The following RERE variants were observed in gnomAD, a reference collection of about 807,000 sequenced individuals.
The protein encoded by RERE is arginine-glutamic acid dipeptide repeats protein.
Under a neutral mutation model 146.1 loss-of-function variants are expected in RERE, and 40 were observed. That is an observed-to-expected ratio of 0.27 (90% CI 0.21 to 0.36). The LOEUF (loss-of-function observed/expected upper bound fraction) is 0.36, where lower values mean the gene tolerates loss of function less well. Among genes scored for constraint, RERE ranks in the 10% least tolerant of loss-of-function variants. The pLI is 1.00. For synonymous variants in RERE, 1,003 were observed against 866.0 expected, an observed-to-expected ratio of 1.16 and a Z score of -2.78; for missense variants, 1,933 against 2,138.7, an observed-to-expected ratio of 0.90 and a Z score of 1.90.
chr1:8,488,408 G>C (rs189338392), intron 10 of RERE, among the ~76,000 whole-genome samples: 428 of 152,176 alleles, frequency 2.8e-3, no homozygotes, highest in South Asian at 8.9e-3. Context: ...ACCATGCCCG[G>C]CTAATTTTTA....
intron 4 of RERE, among the ~76,000 whole-genome samples, chr1:8,584,324 G>A (rs770775670): frequency 2.0e-5 from 3 of 152,132 alleles, no homozygotes; most frequent in Non-Finnish European, 4.4e-5. Flanking sequence ...GGGAGGCTCA[G>A]GCAGGAGGAC....
chr1:8,540,518 T>C (rs1645787493), intron 7 of RERE, among the ~76,000 whole-genome samples: 1 of 152,202 alleles, frequency 6.6e-6, no homozygotes, highest in South Asian at 2.1e-4. Context: ...TTAAAATCCT[T>C]AATAAAATAT....
chr1:8,645,006 C>T (rs972488941), intron 2 of RERE, among the ~76,000 whole-genome samples: 1 of 152,184 alleles, frequency 6.6e-6, no homozygotes, highest in Non-Finnish European at 1.5e-5. Context: ...CCAGTTCTCA[C>T]AGGCCCATAC....
intron 12 of RERE, among the ~76,000 whole-genome samples, chr1:8,404,380 T>C (rs1313965156): frequency 6.6e-6 from 1 of 151,714 alleles, no homozygotes; most frequent in Non-Finnish European, 1.5e-5. Flanking sequence ...ATCGCACCAC[T>C]ACACTCCTGC....
At chr1:8,400,851 A>G (rs1457094699) in intron 12 of RERE, among the ~76,000 whole-genome samples, 1 of 147,148 alleles carries the variant, frequency 6.8e-6, no homozygotes, top group Admixed American at 6.8e-5. Flanking sequence ...AAAAAAAAAA[A>G]AAAAAAAAAC....
At chr1:8,542,934 G>A (rs921182938) in intron 6 of RERE, among the ~76,000 whole-genome samples, 1 of 152,164 alleles carries the variant, frequency 6.6e-6, no homozygotes, top group Non-Finnish European at 1.5e-5. Context: ...CAGGGTTACT[G>A]AGCACTTCAA....
chr1:8,652,128 G>A (rs1647661198), intron 2 of RERE, among the ~76,000 whole-genome samples: 1 of 152,192 alleles, frequency 6.6e-6, no homozygotes, highest in Non-Finnish European at 1.5e-5. Flanking sequence ...CCACTGAGAA[G>A]GTCAAAGACA....
intron 12 of RERE, among the ~76,000 whole-genome samples, chr1:8,392,136 T>C: frequency 6.6e-6 from 1 of 152,224 alleles, no homozygotes; most frequent in East Asian, 1.9e-4. Flanking sequence ...CTTCAGTAAA[T>C]ATCTGTAAGA....
intron 4 of RERE, among the ~76,000 whole-genome samples, chr1:8,589,749 A>G (rs1194103843): frequency 6.6e-6 from 1 of 152,210 alleles, no homozygotes; most frequent in Non-Finnish European, 1.5e-5. Context: ...GACAGCTGCA[A>G]GTTTTGCCTT....
At chr1:8,579,518 C>T (rs1646337959) in intron 4 of RERE, among the ~76,000 whole-genome samples, 1 of 152,164 alleles carries the variant, frequency 6.6e-6, no homozygotes, top group Non-Finnish European at 1.5e-5. Context: ...AATGAAACAA[C>T]GCCCAAGAAA....
At chr1:8,367,914 G>A (rs1400530139) in intron 12 of RERE, among the ~76,000 whole-genome samples, 3 of 152,160 alleles carry the variant, frequency 2.0e-5, no homozygotes, top group Non-Finnish European at 1.5e-5. Flanking sequence ...TCCCACTAGG[G>A]GGTTACAAGA....
Position 8,436,166 on chromosome 1 carries a change from A to G in RERE, c.1204-13359T>C, listed in dbSNP as rs1485571315. ...AAACCCCAACTCTACTAAAAATACA[A>G]AAATTAGCCAGGCGTGGTGGCGTGT... On this transcript the variant is annotated intron_variant, in intron 11 of 22. Transcript: ENST00000400908. 3.9e-5 allele frequency among the ~76,000 whole-genome samples: 6 copies of G among 152,106 alleles called. No individual in the cohort carries two copies. The East Asian group carries it at 1.2e-3, about 29-fold the overall frequency.
intron 4 of RERE, among the ~76,000 whole-genome samples, chr1:8,579,744 C>CT (rs1646340781): frequency 6.6e-6 from 1 of 152,258 alleles, no homozygotes; most frequent in African/African-American, 2.4e-5. Flanking sequence ...TGGCTCACGC[C>CT]TGTAATCCCA....
intron 2 of RERE, among the ~76,000 whole-genome samples, chr1:8,654,439 T>C (rs1246576182): frequency 6.6e-6 from 1 of 152,180 alleles, no homozygotes; most frequent in East Asian, 1.9e-4. Flanking sequence ...AGTAAAATGA[T>C]TGTTCCAGAT....
intron 10 of RERE, among the ~76,000 whole-genome samples, chr1:8,486,480 C>A (rs1225631588): frequency 1.3e-5 from 2 of 151,794 alleles, no homozygotes. Flanking sequence ...CCAAAAAATT[C>A]AAAACATTTT....
At chr1:8,804,325 T>G (rs1039845316) in intron 1 of RERE, among the ~76,000 whole-genome samples, 1 of 152,206 alleles carries the variant, frequency 6.6e-6, no homozygotes, top group East Asian at 1.9e-4. Context: ...CAAATTTCAG[T>G]GAAAATTCTA....
intron 12 of RERE, among the ~76,000 whole-genome samples, chr1:8,394,138 A>G (rs1303261435): frequency 1.3e-5 from 2 of 152,226 alleles, no homozygotes; most frequent in African/African-American, 2.4e-5. Flanking sequence ...TTGACATTCT[A>G]TAATCCCAAC....
intron 10 of RERE, among the ~76,000 whole-genome samples, chr1:8,486,265 C>A (rs1644897734): frequency 6.6e-6 from 1 of 152,126 alleles, no homozygotes; most frequent in East Asian, 1.9e-4. Flanking sequence ...ACACATGAAA[C>A]ATGAACCAAG....
intron 7 of RERE, among the ~76,000 whole-genome samples, chr1:8,513,922 T>C (rs1012459664): frequency 1.3e-5 from 2 of 152,256 alleles, no homozygotes; most frequent in Non-Finnish European, 2.9e-5. Flanking sequence ...TTTGAATGAA[T>C]GGATCTTCTA....
Sources: allele counts gnomAD v4.1 joint callset (sites outside exome capture counted in the v4.1 genomes callset), GRCh38; gene constraint gnomAD v4.1.1; transcripts MANE v1.5; gene names NCBI Gene and HGNC (gene_info 2026-07-23, HGNC 2026-07-21).